Variants in RNF40 observed in about 807,000 individuals in gnomAD.
RNF40 encodes E3 ubiquitin-protein ligase BRE1B.
In RNF40, 39 loss-of-function variants were observed where a neutral mutation model predicts 123.3. The ratio of observed to expected loss-of-function variants is 0.32; its 90% CI spans 0.24 to 0.41. The LOEUF (loss-of-function observed/expected upper bound fraction) is 0.41, where lower values mean the gene tolerates loss of function less well. Among genes scored for constraint, RNF40 ranks in the 10% least tolerant of loss-of-function variants. RNF40 has a pLI of 1.00. For synonymous variants in RNF40, 538 were observed against 526.0 expected, an observed-to-expected ratio of 1.02 and a Z score of -0.31; for missense variants, 1,003 against 1,319.9, an observed-to-expected ratio of 0.76 and a Z score of 3.72.
chr16:30,767,544 T>C, intron 11 of RNF40: 1 of 199,628 alleles, frequency 5.0e-6, no homozygotes, highest in Non-Finnish European at 1.0e-5. Flanking sequence ...GTGATTCATG[T>C]CTGTAATCCC....
upstream of RNF40, chr16:30,762,278 G>GC (rs199859165): frequency 0.096 from 32,949 of 344,388 alleles, 1,505 homozygotes; most frequent in Non-Finnish European, 0.13. Context: ...GCGCACCGTT[G>GC]GGGGGGGGGC....
intron 17 of RNF40, among the ~76,000 whole-genome samples, chr16:30,770,648 A>G (rs1170090002): frequency 6.6e-6 from 1 of 152,192 alleles, no homozygotes; most frequent in Non-Finnish European, 1.5e-5. Context: ...ATTGATTTCC[A>G]TTTCCTCTGA....
In RNF40 at chr16:30,765,139, C is replaced by T. The variant is rs747560462; in HGVS notation, c.772-42C>T. 5 of 1,611,790 alleles carry T rather than the reference C, an allele frequency of 3.1e-6. No individual in the cohort carries two copies. The African/African-American group carries it at 5.3e-5, about 17-fold the overall frequency. ...GATGGGCACTCAGGGACCTCAGGAACCAAGTCCCCCATCCAAGCATCTGCT... is the reference window on the plus strand; with the variant it reads ...GATGGGCACTCAGGGACCTCAGGAATCAAGTCCCCCATCCAAGCATCTGCT... On this transcript the variant is annotated intron_variant, in intron 6 of 19. Transcript: ENST00000324685.
intron 19 of RNF40, among the ~76,000 whole-genome samples, chr16:30,772,988 G>A (rs758760314): frequency 2.0e-5 from 3 of 152,174 alleles, no homozygotes; most frequent in Non-Finnish European, 4.4e-5. Context: ...AGGACTCCTG[G>A]TTTCCTGGTT....
rs771344995 is a variant in RNF40, at chr16:30,763,408, C to T, written c.301-10C>T. On this transcript the variant is annotated splice_polypyrimidine_tract_variant and intron_variant, in intron 3 of 19. Coordinates refer to ENST00000324685, the MANE Select transcript of RNF40 (RefSeq NM_014771.4). ...GGATTCATAACATTTTTGATGTTTT[C>T]TCCTTCCAGCTGGATGAAACTGTGG... 1.3e-6 allele frequency: 2 copies of T among 1,598,974 alleles called. No homozygotes were observed. Among genetic ancestry groups the T allele is most frequent in the South Asian group, 2.2e-5 (2 of 89,408 alleles).
intron 8 of RNF40, among the ~76,000 whole-genome samples, chr16:30,765,808 T>C (rs1217865940): frequency 6.6e-6 from 1 of 152,240 alleles, no homozygotes; most frequent in Non-Finnish European, 1.5e-5. Context: ...AGCATATCAG[T>C]GTGTTATGAG....
chr16:30,771,702 C>A, intron 17 of RNF40, 131 bp from the exon 18 acceptor site: 1 of 1,002,328 alleles, frequency 1.0e-6, no homozygotes, highest in Non-Finnish European at 1.4e-6. Context: ...GGGCTTAGGG[C>A]TCAGGAGGCA....
At chr16:30,769,704 G>C in intron 17 of RNF40, 104 bp downstream of exon 17, 1 of 1,315,106 alleles carries the variant, frequency 7.6e-7, no homozygotes, top group Non-Finnish European at 1.0e-6. Flanking sequence ...GTGAAGCCAG[G>C]CTGTCACAGA....
chr16:30,769,803 A>G (rs1398277164), intron 17 of RNF40, among the ~76,000 whole-genome samples: 3 of 152,200 alleles, frequency 2.0e-5, no homozygotes, highest in Non-Finnish European at 4.4e-5. Flanking sequence ...CACTAATCCT[A>G]TCAAGATGGT....
chr16:30,770,735 G>A (rs951907689), intron 17 of RNF40, among the ~76,000 whole-genome samples: 4 of 151,936 alleles, frequency 2.6e-5, no homozygotes, highest in Admixed American at 6.5e-5. Context: ...TTTTTTAGAC[G>A]GAGTCTAGCT....
chr16:30,769,740 C>T, intron 17 of RNF40, 140 bp downstream of exon 17: 1 of 927,484 alleles, frequency 1.1e-6, no homozygotes, highest in African/African-American at 1.7e-5. Flanking sequence ...TGAACATTTA[C>T]ATGTGCCAGA....
Position 30,775,009 on chromosome 16 carries a change from C to T in RNF40, c.*895C>T, listed in dbSNP as rs2054208873. ...GCTAGAAGAGCTTCCCCCTGACACC[C>T]TGTGACTGAGCCTGTGTCCTGTCTG... is the stretch of plus-strand genomic sequence containing the variant. On this transcript the variant is annotated 3_prime_UTR_variant, in exon 20 of 20. Coordinates refer to ENST00000324685, the MANE Select transcript of RNF40 (RefSeq NM_014771.4). The T allele has an allele frequency of 2.2e-6, 1 of 456,540 alleles. No individual in the cohort carries two copies. Among genetic ancestry groups the T allele is most frequent in the Non-Finnish European group, 4.4e-6 (1 of 226,814 alleles). The allele number at this position is 456,540 out of a possible 1,614,324, so 28.3% of individuals were successfully genotyped here.
intron 11 of RNF40, among the ~76,000 whole-genome samples, chr16:30,767,465 C>T (rs1416959472): frequency 6.6e-6 from 1 of 150,996 alleles, no homozygotes; most frequent in Non-Finnish European, 1.5e-5. Flanking sequence ...GTGAATGTTA[C>T]AGTTACCTTC....
Position 30,774,204 on chromosome 16 carries a change from C to T in RNF40, c.*90C>T. On this transcript the variant is annotated 3_prime_UTR_variant, in exon 20 of 20. Transcript: ENST00000324685. ...ACCCCAGGTCTAGTGGCCCCACCCT[C>T]CATTCCGGACCCCATGGGCCCAGCC... 2.2e-6 allele frequency: 3 copies of T among 1,365,592 alleles called. No homozygotes were observed. The highest frequency in any genetic ancestry group is 3.0e-6 in the Non-Finnish European group (3 of 1,007,924). The allele number at this position is 1,365,592 out of a possible 1,614,324, so 84.6% of individuals were successfully genotyped here.
Position 30,764,286 on chromosome 16 carries a change from C to T in RNF40, c.550C>T (p.Arg184Ter), listed in dbSNP as rs372421097. ...GGAGGTGGAGCTGGAGCTGCAAGGC[C>T]GAATGGAGTTCTCCAAGGCAGCTGT... ...SEEVELELQGRMEFSKAAVSR... is the reference protein window; with the variant it reads ...SEEVELELQG The change falls in exon 5 of 20, where the codon CGA becomes TGA. Residue 184 changes from arginine to a stop codon, truncating the protein, a stop_gained. Coordinates refer to ENST00000324685, the MANE Select transcript of RNF40 (RefSeq NM_014771.4). LOFTEE classifies it high-confidence loss of function. 3 of 1,613,548 alleles carry T rather than the reference C, an allele frequency of 1.9e-6. No homozygotes were observed. The highest frequency in any genetic ancestry group is 1.1e-5 in the South Asian group (1 of 90,938).
chr16:30,764,892 C>T (rs372123732), intron 5 of RNF40, 46 bp from the exon 6 acceptor site: 3 of 1,584,408 alleles, frequency 1.9e-6, no homozygotes, highest in Non-Finnish European at 2.6e-6. Flanking sequence ...TAGTTGTTTG[C>T]CCCATTGCCC....
Position 30,774,012 on chromosome 16 carries a change from C to T in RNF40, c.2904C>T (p.Cys968=). The change falls in exon 20 of 20, where the codon TGC becomes TGT. Residue 968 remains cysteine, a synonymous_variant. Transcript: ENST00000324685. ...TTACCAAGTGCTTCCACGTTTTCTG[C>T]TTCGAGTGCGTGCGGGGCCGCTATG... ...AVLTKCFHVF[C]FECVRGRYEA... 1 of 1,614,114 alleles carries T rather than the reference C, an allele frequency of 6.2e-7. No homozygotes were observed. The highest frequency in any genetic ancestry group is 8.5e-7 in the Non-Finnish European group (1 of 1,179,932).
At position 30,768,368 on chromosome 16, in the gene RNF40, C is replaced by T. The variant is rs1596754175; in HGVS notation, c.1817C>T (p.Pro606Leu). Residue 606 changes from proline (P) to leucine (L), a missense_variant, in exon 13 of 20, where the codon CCT becomes CTT. Physicochemically the swap from Pro to Leu is moderately conservative, Grantham distance 98 (BLOSUM62 -3). Around this residue, in one of 11 missense-constraint regions of RNF40, gnomAD observed 295 missense variants for 331.7 expected, o/e 0.89. Coordinates refer to ENST00000324685, the MANE Select transcript of RNF40 (RefSeq NM_014771.4). The surrounding 1 kb of genome is among the most constrained non-coding windows in gnomAD (Gnocchi z 4.1). Reference sequence around the variant, plus strand: ...GGCCCTTCCTCCCGGGGCCGAGAACCTGAGGCCAGGCCCAAGCGGGAGCTT... The same window carrying T: ...GGCCCTTCCTCCCGGGGCCGAGAACTTGAGGCCAGGCCCAAGCGGGAGCTT... ...AQGPSSRGRE[P>L]EARPKRELRE... The T allele has an allele frequency of 6.2e-7, 1 of 1,613,536 alleles. No individual in the cohort carries two copies. Among genetic ancestry groups the T allele is most frequent in the Non-Finnish European group, 8.5e-7 (1 of 1,179,782 alleles).
At position 30,773,957 on chromosome 16, in the gene RNF40, G is replaced by A. The variant is rs1178701423; in HGVS notation, c.2849G>A (p.Cys950Tyr). 8 of 1,612,890 alleles carry A rather than the reference G, an allele frequency of 5.0e-6. No homozygotes were observed. The highest frequency in any genetic ancestry group is 1.3e-5 in the African/African-American group (1 of 74,924). ...GCCCAGGCGCGGTTGACCTGCCCCT[G>A]CTGTAACACCCGCAAGAAGGATGCA... ...KEYKARLTCP[C>Y]CNTRKKDAVL... Residue 950 changes from cysteine to tyrosine, a missense_variant, in exon 20 of 20, where the codon TGC (cysteine) becomes TAC (tyrosine). By Grantham distance (194) the Cys-to-Tyr change is radical. This residue lies in a region of RNF40 where 76 missense variants were observed against 134.1 expected (regional missense o/e 0.57). Transcript: ENST00000324685.
Sources: allele counts gnomAD v4.1 joint callset (sites outside exome capture counted in the v4.1 genomes callset), GRCh38; gene constraint gnomAD v4.1.1; regional missense constraint gnomAD v4.1.1; non-coding constraint Gnocchi (gnomAD v3.1); transcripts MANE v1.5; gene names NCBI Gene and HGNC (gene_info 2026-07-23, HGNC 2026-07-21).